The following COL15A1 variants were observed in gnomAD, a reference collection of about 807,000 sequenced individuals.
The protein encoded by COL15A1 is collagen alpha-1(XV) chain.
COL15A1 carries 111 observed loss-of-function variants against 165.9 expected under a neutral mutation model. The observed-to-expected ratio is 0.67, with a 90% confidence interval of 0.57 to 0.78. COL15A1 has a LOEUF of 0.78. Ranked by LOEUF, COL15A1 falls within the 30% of genes least tolerant of loss-of-function variation. The probability of loss-of-function intolerance (pLI) is 0.00; values close to 1 mark genes in which losing one functional copy is unlikely to be tolerated. For missense variants in COL15A1, 1,745 were observed against 1,789.7 expected (o/e 0.98, Z 0.45); for synonymous variants, 659 against 674.8 (o/e 0.98, Z 0.36).
chr9:99,014,234 TA>T (rs1408239029), intron 9 of COL15A1, among the ~76,000 whole-genome samples: 3 of 152,194 alleles, frequency 2.0e-5, no homozygotes, highest in African/African-American at 7.2e-5. Flanking sequence ...AGCTACTTAC[TA>T]GAGATAGGTC....
rs185973541 is a variant in COL15A1 at position 99,011,740 on chromosome 9, A to T, written c.1354-3677A>T. Among the ~76,000 whole-genome samples, 278 of 152,184 alleles carry T rather than the reference A, an allele frequency of 1.8e-3. 1 individual carries two copies. The highest frequency in any genetic ancestry group is 6.5e-3 in the African/African-American group (270 of 41,566). On this transcript the variant is annotated intron_variant, in intron 9 of 41. Coordinates refer to ENST00000375001, the MANE Select transcript of COL15A1 (RefSeq NM_001855.5). ...TTAACTTTAGATTCTAAATTATGAC[A>T]CATTTGTCTATAAGTATTTATCCCA...
rs777153351 is a variant in COL15A1, at chr9:99,049,770, C to T, written c.2862+12C>T. The T allele has an allele frequency of 4.2e-5, 67 of 1,614,124 alleles. No individual in the cohort carries two copies. Among genetic ancestry groups the T allele is most frequent in the Middle Eastern group, 1.6e-4 (1 of 6,082 alleles). The stretch of plus-strand genomic sequence containing the variant: ...TTAACATCAAAGGAGTAAGTTGGCA[C>T]GCAGTGGGAAGACCTTCCCGATTGG... On this transcript the variant is annotated intron_variant, in intron 29 of 41. Coordinates refer to ENST00000375001, the MANE Select transcript of COL15A1 (RefSeq NM_001855.5).
In COL15A1 at chr9:98,987,406, C is replaced by A. The variant is rs764446678; in HGVS notation, c.723+38C>A. The A allele has an allele frequency of 3.8e-6, 6 of 1,562,990 alleles. No individual in the cohort carries two copies. The African/African-American group carries it at 8.3e-5, about 22-fold the overall frequency. On this transcript the variant is annotated intron_variant, in intron 4 of 41. Transcript: ENST00000375001. ...ACTATCCCACAGTGGGCCCTGCAAC[C>A]CCAGCAGCCGCAGCCTGGGGAGGGC...
intron 9 of COL15A1, among the ~76,000 whole-genome samples, chr9:99,013,166 C>A (rs1838874129): frequency 6.6e-6 from 1 of 152,126 alleles, no homozygotes; most frequent in Non-Finnish European, 1.5e-5. Flanking sequence ...GTAGTTCTAG[C>A]ACCTCCAAGA....
chr9:99,057,142 C>A (rs1825733748), intron 35 of COL15A1, among the ~76,000 whole-genome samples: 1 of 152,206 alleles, frequency 6.6e-6, no homozygotes, highest in African/African-American at 2.4e-5. Flanking sequence ...GAAGGAGTCA[C>A]AACATTTCTC....
chr9:99,019,359 C>T (rs1488285252), intron 11 of COL15A1, among the ~76,000 whole-genome samples: 5 of 152,110 alleles, frequency 3.3e-5, no homozygotes, highest in East Asian at 1.9e-4. Flanking sequence ...CGCTACTACC[C>T]GGCTAATTTT....
Position 98,943,993 on chromosome 9 carries a change from G to T in COL15A1, c.-69G>T. The T allele has an allele frequency of 6.3e-7, 1 of 1,599,672 alleles. No homozygotes were observed. The highest frequency in any genetic ancestry group is 8.5e-7 in the Non-Finnish European group (1 of 1,170,060). ...GGCGGCCAGCGCTCAGCGACCCTTC[G>T]TCCTCCGCTAAGCTCCAACGCTCTG... On this transcript the variant is annotated 5_prime_UTR_variant, in exon 1 of 42. Coordinates refer to ENST00000375001, the MANE Select transcript of COL15A1 (RefSeq NM_001855.5).
intron 21 of COL15A1, 65 bp from the exon 22 acceptor site, chr9:99,038,603 C>T (rs1229545203): frequency 1.6e-5 from 16 of 1,015,004 alleles, no homozygotes; most frequent in Non-Finnish European, 2.5e-5. Context: ...TAAAGCTTTG[C>T]TGCCAGGAAC....
intron 14 of COL15A1, 53 bp downstream of exon 14, chr9:99,023,502 C>T (rs1394816174): frequency 2.3e-6 from 2 of 876,034 alleles, no homozygotes; most frequent in East Asian, 2.4e-5. Context: ...TCAAAATAAC[C>T]CCAGAGGGAG....
At chr9:99,009,943 T>C (rs1838823520) in intron 9 of COL15A1, among the ~76,000 whole-genome samples, 1 of 152,226 alleles carries the variant, frequency 6.6e-6, no homozygotes, top group Non-Finnish European at 1.5e-5. Flanking sequence ...ATGCTGGTCT[T>C]GCATCAGCAT....
At chr9:98,969,818 C>T (rs938812783) in intron 2 of COL15A1, among the ~76,000 whole-genome samples, 1 of 152,220 alleles carries the variant, frequency 6.6e-6, no homozygotes, top group African/African-American at 2.4e-5. Context: ...TTAAAATCTC[C>T]AGTCTGGGAT....
intron 41 of COL15A1, among the ~76,000 whole-genome samples, chr9:99,068,899 G>C (rs894758990): frequency 1.4e-4 from 22 of 152,182 alleles, no homozygotes; most frequent in Non-Finnish European, 1.0e-4. Flanking sequence ...AGCCTCAGCT[G>C]CCTTACCTGT....
intron 9 of COL15A1, among the ~76,000 whole-genome samples, chr9:99,010,770 T>TA (rs975731465): frequency 6.6e-6 from 1 of 152,142 alleles, no homozygotes. Flanking sequence ...TAACCTTAAT[T>TA]AAAAAAAATA....
At chr9:99,042,508 ACCTGCTGG>A (rs386736732) in intron 24 of COL15A1, among the ~76,000 whole-genome samples, 19,160 of 152,208 alleles carry the variant, frequency 0.13, 1,253 homozygotes, top group South Asian at 0.2. Flanking sequence ...TTGTCTAACC[ACCTGCTGG>A]GCATCCCCCT....
chr9:99,025,914 G>A lies in COL15A1; in HGVS notation c.1991G>A (p.Gly664Glu), dbSNP rs146423653. The A allele has an allele frequency of 4.0e-5, 65 of 1,613,038 alleles. No homozygotes were observed. The highest frequency in any genetic ancestry group is 4.8e-5 in the Non-Finnish European group (57 of 1,179,726). Reference sequence around the variant, plus strand: ...ACTGATGTTCCCCAGGGCCCTGAGGGACAGCCTGGAGTTGATGGAGCCACC... The same window carrying A: ...ACTGATGTTCCCCAGGGCCCTGAGGAACAGCCTGGAGTTGATGGAGCCACC... The part of the protein sequence containing the change: ...AGEPGPPGPE[G>E]QPGVDGATGL... The change falls in exon 16 of 42, where the codon GGA (glycine) becomes GAA (glutamate). Residue 664 changes from glycine (G) to glutamate (E), a missense_variant. By Grantham distance (98) the Gly-to-Glu change is moderately conservative (BLOSUM62 -2). Coordinates refer to ENST00000375001, the MANE Select transcript of COL15A1 (RefSeq NM_001855.5).
intron 39 of COL15A1, among the ~76,000 whole-genome samples, chr9:99,065,160 C>T (rs144154536): frequency 3.3e-3 from 506 of 152,224 alleles, no homozygotes; most frequent in African/African-American, 0.011. Context: ...CAGAAACAAC[C>T]GTAATTTCAG....
At chr9:99,017,360 C>T (rs1453208964) in intron 11 of COL15A1, among the ~76,000 whole-genome samples, 1 of 152,210 alleles carries the variant, frequency 6.6e-6, no homozygotes, top group Non-Finnish European at 1.5e-5. Flanking sequence ...TCTTGAGCTT[C>T]ACCCAGCTGA....
intron 36 of COL15A1, among the ~76,000 whole-genome samples, chr9:99,061,455 T>C (rs1825815075): frequency 1.3e-5 from 2 of 152,260 alleles, no homozygotes; most frequent in Admixed American, 1.3e-4. Context: ...TTTTCTATCA[T>C]GCATTTAATG....
intron 32 of COL15A1, 152 bp from the exon 33 acceptor site, chr9:99,054,950 A>T: frequency 1.3e-6 from 1 of 755,350 alleles, no homozygotes. Context: ...CACAGTAGCT[A>T]GCACCTGTTT....
Sources: allele counts gnomAD v4.1 joint callset (sites outside exome capture counted in the v4.1 genomes callset), GRCh38; gene constraint gnomAD v4.1.1; transcripts MANE v1.5; gene names NCBI Gene and HGNC (gene_info 2026-07-23, HGNC 2026-07-21).